Variants in CSMD1 observed in about 807,000 individuals in gnomAD.
CSMD1 encodes the protein CUB and Sushi multiple domains 1, also known as CUB and sushi domain-containing protein 1.
In CSMD1, 213 loss-of-function variants were observed where a neutral mutation model predicts 417.5. The observed-to-expected ratio is 0.51, with a 90% CI of 0.46 to 0.57. The LOEUF (loss-of-function observed/expected upper bound fraction) is 0.57, where lower values mean the gene tolerates loss of function less well. Among genes scored for constraint, CSMD1 ranks in the 20% least tolerant of loss-of-function variants. The pLI is 0.00. For missense variants in CSMD1, 6,923 were observed against 4,529.7 expected (o/e 1.53, Z -15.17); for synonymous variants, 2,862 against 1,736.8 (o/e 1.65, Z -16.11).
intron 1 of CSMD1, among the ~76,000 whole-genome samples, chr8:4,915,090 A>G (rs894321472): frequency 2.6e-5 from 4 of 152,182 alleles, no homozygotes; most frequent in Non-Finnish European, 5.9e-5. Flanking sequence ...CAGATGTAAT[A>G]TGGTCAGGCC....
At chr8:3,417,844 G>T (rs1383454479) in intron 12 of CSMD1, among the ~76,000 whole-genome samples, 2 of 152,142 alleles carry the variant, frequency 1.3e-5, no homozygotes, top group Non-Finnish European at 2.9e-5. Context: ...TTTGGAGACA[G>T]TGTGAGAACA....
At chr8:4,108,945 T>C (rs376448074) in intron 3 of CSMD1, among the ~76,000 whole-genome samples, 1 of 152,202 alleles carries the variant, frequency 6.6e-6, no homozygotes, top group African/African-American at 2.4e-5. Context: ...TTAGAAATTG[T>C]CCATTTATGT....
intron 2 of CSMD1, among the ~76,000 whole-genome samples, chr8:4,492,984 C>G (rs975901066): frequency 6.6e-6 from 1 of 152,156 alleles, no homozygotes; most frequent in African/African-American, 2.4e-5. Flanking sequence ...TCTCAACACC[C>G]AATTCCGATC....
intron 2 of CSMD1, among the ~76,000 whole-genome samples, chr8:4,626,195 G>A (rs1279459425): frequency 6.6e-6 from 1 of 152,116 alleles, no homozygotes; most frequent in Non-Finnish European, 1.5e-5. Flanking sequence ...CTTTAGCTCA[G>A]TTTTCCTCTT....
chr8:3,275,729 G>A (rs1325581060), intron 26 of CSMD1, among the ~76,000 whole-genome samples: 1 of 152,108 alleles, frequency 6.6e-6, no homozygotes, highest in African/African-American at 2.4e-5. Flanking sequence ...ATCGGCTCCT[G>A]AGGCTTCTGC....
At chr8:3,929,806 C>A (rs1810016299) in intron 5 of CSMD1, among the ~76,000 whole-genome samples, 1 of 149,408 alleles carries the variant, frequency 6.7e-6, no homozygotes, top group African/African-American at 2.5e-5. Context: ...GGACTACAGG[C>A]ACATGCCACC....
chr8:4,527,125 A>G (rs1481845171), intron 2 of CSMD1, among the ~76,000 whole-genome samples: 4 of 152,154 alleles, frequency 2.6e-5, no homozygotes, highest in Non-Finnish European at 4.4e-5. Context: ...TTTACTTAAG[A>G]TATTTTTCAA....
chr8:3,423,651 G>A (rs892016219), intron 12 of CSMD1, among the ~76,000 whole-genome samples: 1 of 152,168 alleles, frequency 6.6e-6, no homozygotes, highest in Non-Finnish European at 1.5e-5. Flanking sequence ...TGGGCATTTG[G>A]GTTGTTTCCA....
chr8:3,638,411 C>T (rs925000898), intron 7 of CSMD1, among the ~76,000 whole-genome samples: 1 of 151,826 alleles, frequency 6.6e-6, no homozygotes, highest in Non-Finnish European at 1.5e-5. Context: ...AGAGAAAGGT[C>T]CTAGTTTTGC....
At chr8:3,553,942 A>G (rs189937263) in intron 10 of CSMD1, among the ~76,000 whole-genome samples, 149 of 152,310 alleles carry the variant, frequency 9.8e-4, no homozygotes, top group Non-Finnish European at 1.9e-3. Context: ...ATGGGGCAAA[A>G]CAGAATGTAA....
intron 1 of CSMD1, among the ~76,000 whole-genome samples, chr8:4,804,169 T>C (rs1175041884): frequency 6.6e-6 from 1 of 152,122 alleles, no homozygotes; most frequent in African/African-American, 2.4e-5. Flanking sequence ...GTATTCTGAA[T>C]GGAACCAAAT....
intron 27 of CSMD1, among the ~76,000 whole-genome samples, chr8:3,224,142 T>G (rs1004873427): frequency 1.3e-5 from 2 of 152,336 alleles, no homozygotes; most frequent in Non-Finnish European, 2.9e-5. Context: ...ATTTCTTTCC[T>G]ATAATTTAAA....
rs368325145 is a variant in CSMD1, at chr8:4,469,868, CTTTTT to C, written c.303-49808_303-49804del. Among the ~76,000 whole-genome samples, 897 of 144,878 alleles carry C rather than the reference CTTTTT, an allele frequency of 6.2e-3. 8 individuals carry two copies. Among genetic ancestry groups the C allele is most frequent in the African/African-American group, 0.021 (841 of 39,496 alleles). ...CTACGTGATCTGGCCTTTGGTTTTC[CTTTTT>C]TTTTTTTTATTTGAGACGGAGTGTC... On this transcript the variant is annotated intron_variant, in intron 2 of 69. Transcript: ENST00000635120.
chr8:2,996,096 G>T (rs564983841), intron 54 of CSMD1, among the ~76,000 whole-genome samples: 88 of 152,082 alleles, frequency 5.8e-4, no homozygotes, highest in African/African-American at 1.8e-3. Flanking sequence ...TGCCTGCCTG[G>T]GAATCTACAG....
At chr8:2,994,197 G>A (rs1375218250) in intron 54 of CSMD1, among the ~76,000 whole-genome samples, 1 of 144,734 alleles carries the variant, frequency 6.9e-6, no homozygotes, top group African/African-American at 2.6e-5. Context: ...AAAGTAAGAA[G>A]GAAGAAAGAA....
At chr8:3,806,906 A>G (rs41350751) in intron 5 of CSMD1, among the ~76,000 whole-genome samples, 1,551 of 152,296 alleles carry the variant, frequency 0.01, 49 homozygotes, top group East Asian at 0.073. Flanking sequence ...AATTTAATCC[A>G]GTAGTAGTGA....
chr8:4,948,607 T>A (rs1408364935), intron 1 of CSMD1, among the ~76,000 whole-genome samples: 1 of 152,096 alleles, frequency 6.6e-6, no homozygotes, highest in Non-Finnish European at 1.5e-5. Context: ...GGTGTCCTTC[T>A]CAATTACATT....
chr8:3,744,731 G>T (rs542718884), intron 6 of CSMD1, among the ~76,000 whole-genome samples: 2 of 152,304 alleles, frequency 1.3e-5, no homozygotes, highest in South Asian at 2.1e-4. Context: ...AAGAGTCAGT[G>T]ACTTACAGCA....
intron 2 of CSMD1, among the ~76,000 whole-genome samples, chr8:4,531,307 T>G (rs1796806933): frequency 6.6e-6 from 1 of 152,190 alleles, no homozygotes; most frequent in African/African-American, 2.4e-5. Context: ...CGATGTGCCG[T>G]GGAATGTATT....
Sources: gnomAD v4.1 joint callset for allele counts (sites outside exome capture counted in the v4.1 genomes callset) on GRCh38, gnomAD v4.1.1 for gene constraint, MANE v1.5 for transcripts, NCBI Gene and HGNC (gene_info 2026-07-23, HGNC 2026-07-21) for gene names.